Variants in CYFIP2 observed in about 807,000 individuals in gnomAD.
CYFIP2 encodes the protein cytoplasmic FMR1-interacting protein 2.
Under a neutral mutation model 158.7 loss-of-function variants are expected in CYFIP2, and 29 were observed. The observed-to-expected ratio is 0.18, with a 90% confidence interval of 0.14 to 0.25. The LOEUF is 0.25. CYFIP2 is among the 10% of genes least tolerant of loss of function. The pLI, the probability that CYFIP2 is intolerant of heterozygous loss-of-function variation, is 1.00. For synonymous variants in CYFIP2, 585 were observed against 617.6 expected, an observed-to-expected ratio of 0.95 and a Z score of 0.78; for missense variants, 852 against 1,639.5, an observed-to-expected ratio of 0.52 and a Z score of 8.29.
chr5:157,362,325 G>C (rs1763911201), intron 26 of CYFIP2, among the ~76,000 whole-genome samples: 1 of 152,186 alleles, frequency 6.6e-6, no homozygotes, highest in Non-Finnish European at 1.5e-5. Flanking sequence ...ATGCATGCCA[G>C]CACATCTGTT....
chr5:157,337,128 ATGTATTT>A (rs1369927657), intron 21 of CYFIP2, among the ~76,000 whole-genome samples: 1 of 152,160 alleles, frequency 6.6e-6, no homozygotes, highest in Non-Finnish European at 1.5e-5. Flanking sequence ...CACTTACTCC[ATGTATTT>A]TTTATTTATT....
chr5:157,290,515 G>A (rs1447878446), intron 3 of CYFIP2, among the ~76,000 whole-genome samples: 1 of 151,856 alleles, frequency 6.6e-6, no homozygotes, highest in East Asian at 1.9e-4. Context: ...ACCACCACCC[G>A]CCTACCCCCA....
chr5:157,340,525 AAAT>A (rs1402888585), intron 22 of CYFIP2, among the ~76,000 whole-genome samples: 1 of 152,240 alleles, frequency 6.6e-6, no homozygotes, highest in Non-Finnish European at 1.5e-5. Context: ...TGAGGGGAAA[AAAT>A]CCAAAGAAGA....
intron 1 of CYFIP2, among the ~76,000 whole-genome samples, chr5:157,275,250 T>G (rs1580946711): frequency 6.6e-6 from 1 of 152,338 alleles, no homozygotes; most frequent in East Asian, 1.9e-4. Context: ...TAATTCAAGG[T>G]CACAAAGATG....
Position 157,395,541 on chromosome 5 carries a change from G to T in CYFIP2, c.*2541G>T. The T allele has an allele frequency of 9.7e-7, 1 of 1,028,712 alleles. No individual in the cohort carries two copies. Among genetic ancestry groups the T allele is most frequent in the Non-Finnish European group, 1.3e-6 (1 of 751,836 alleles). The allele number at this position is 1,028,712 out of a possible 1,614,324, so 63.7% of individuals were successfully genotyped here. ...TTTGTATTTTGGGGGTACCTGTGTT[G>T]AGTTGATAAACATTTCCATCTTCAT... On this transcript the variant is annotated 3_prime_UTR_variant, in exon 31 of 31. Transcript: ENST00000620254.
At chr5:157,270,996 G>A (rs1409712167) in intron 1 of CYFIP2, among the ~76,000 whole-genome samples, 3 of 152,176 alleles carry the variant, frequency 2.0e-5, no homozygotes, top group Admixed American at 2.0e-4. Context: ...GAAATATAAA[G>A]CAGTTTGTCG....
intron 3 of CYFIP2, among the ~76,000 whole-genome samples, chr5:157,293,458 CTGT>C (rs1291693405): frequency 6.6e-6 from 1 of 152,112 alleles, no homozygotes; most frequent in African/African-American, 2.4e-5. Context: ...GTTTTTCATG[CTGT>C]TGTTGGTTTT....
chr5:157,327,873 A>C, intron 18 of CYFIP2, 100 bp from the exon 19 acceptor site: 1 of 1,137,614 alleles, frequency 8.8e-7, no homozygotes, highest in Non-Finnish European at 1.3e-6. Flanking sequence ...CCCAGAATGC[A>C]CTCTGGGCAA....
Position 157,393,040 on chromosome 5 carries a change from A to G in CYFIP2, c.*40A>G, listed in dbSNP as rs772704783. On this transcript the variant is annotated 3_prime_UTR_variant, in exon 31 of 31. Coordinates refer to ENST00000620254, the MANE Select transcript of CYFIP2 (RefSeq NM_001037333.3). ...AGACCCTTATCTGGAGGAGGAAGAG[A>G]AGCAGGAGAGAGAAAGCCACAGCCA... is the stretch of plus-strand genomic sequence containing the variant. 6.2e-7 allele frequency: 1 copy of G among 1,604,694 alleles called. No individual in the cohort carries two copies. Among genetic ancestry groups the G allele is most frequent in the African/African-American group, 1.3e-5 (1 of 74,730 alleles).
rs761673467 is a variant in CYFIP2, at chr5:157,307,821, G to A, written c.856G>A (p.Ala286Thr). The A allele has an allele frequency of 1.2e-6, 2 of 1,611,206 alleles. No homozygotes were observed. Among genetic ancestry groups the A allele is most frequent in the South Asian group, 1.1e-5 (1 of 90,338 alleles). The change falls in exon 9 of 31, where the codon GCC becomes ACC. Residue 286 changes from alanine (A) to threonine (T), a missense_variant. Physicochemically the swap from Ala to Thr is moderately conservative, Grantham distance 58. Around this residue, in one of 8 missense-constraint regions of CYFIP2, gnomAD observed 133 missense variants for 197.1 expected, o/e 0.67. Transcript: ENST00000620254. ...GNVSNIYKLD[A>T]KKRINLSKID... is the part of the protein sequence containing the mutation. ...TGTCAGTAACATTTACAAACTGGAT[G>A]CCAAGAAGAGAATTAATCTTAGCAA... is the stretch of plus-strand genomic sequence containing the variant.
intron 5 of CYFIP2, among the ~76,000 whole-genome samples, chr5:157,297,802 T>C (rs1189564731): frequency 6.6e-6 from 1 of 151,986 alleles, no homozygotes; most frequent in African/African-American, 2.4e-5. Flanking sequence ...AAAATAAAAT[T>C]TTAAAATCAA....
chr5:157,359,204 A>C, intron 24 of CYFIP2, 56 bp downstream of exon 24: 1 of 1,599,758 alleles, frequency 6.3e-7, no homozygotes, highest in Non-Finnish European at 8.5e-7. Flanking sequence ...TGACATAAAC[A>C]AAGTTTGCTT....
At chr5:157,320,190 T>C (rs775963916) in intron 14 of CYFIP2, among the ~76,000 whole-genome samples, 5 of 152,246 alleles carry the variant, frequency 3.3e-5, no homozygotes, top group Non-Finnish European at 5.9e-5. Flanking sequence ...ATGGGGATTA[T>C]AATGCTACCT....
At chr5:157,279,510 AC>A (rs768016560) in intron 1 of CYFIP2, among the ~76,000 whole-genome samples, 3 of 151,544 alleles carry the variant, frequency 2.0e-5, no homozygotes, top group African/African-American at 7.3e-5. Flanking sequence ...TATGGGACCC[AC>A]CCCCCTCTTG....
chr5:157,323,112 A>G (rs1760738953), intron 15 of CYFIP2: 2 of 1,142,104 alleles, frequency 1.8e-6, no homozygotes, highest in Non-Finnish European at 2.5e-6. Flanking sequence ...TCCAGCCCTA[A>G]GATTCACAGA....
chr5:157,311,076 G>A lies in CYFIP2; in HGVS notation c.993-588G>A, dbSNP rs1358485330. ...GGAAGGAGGAAAGAGGGTGGAAAGAGAAGGAGAGAAGGGGGCGAGAGGTAG... is the reference window on the plus strand; with the variant it reads ...GGAAGGAGGAAAGAGGGTGGAAAGAAAAGGAGAGAAGGGGGCGAGAGGTAG... On this transcript the variant is annotated intron_variant, in intron 10 of 30. Transcript: ENST00000620254. The surrounding 1 kb of genome is among the most constrained non-coding windows in gnomAD (Gnocchi z 4.7). The A allele has an allele frequency of 2.3e-6, 1 of 437,364 alleles. No homozygotes were observed. Among genetic ancestry groups the A allele is most frequent in the South Asian group, 1.6e-5 (1 of 63,452 alleles). 27.1% of individuals were successfully genotyped at this position (437,364 alleles called of 1,614,324 possible). A position where few individuals can be genotyped will look rare whatever the true frequency, so the allele number is the denominator to read the frequency against.
chr5:157,311,208 A>G lies in CYFIP2; in HGVS notation c.993-456A>G, dbSNP rs142602288. ...CAGGGCACTGTTGGAAAAGAGGCAC[A>G]GTCACATTCATATTTCCGCAATCCC... is the stretch of plus-strand genomic sequence containing the variant. On this transcript the variant is annotated intron_variant, in intron 10 of 30. Coordinates refer to ENST00000620254, the MANE Select transcript of CYFIP2 (RefSeq NM_001037333.3). This position sits in a 1 kb window ranked among gnomAD's most constrained non-coding sequence, Gnocchi z 4.7. 24 of 406,746 alleles carry G rather than the reference A, an allele frequency of 5.9e-5. No homozygotes were observed. Among genetic ancestry groups the G allele is most frequent in the African/African-American group, 4.5e-4 (22 of 48,452 alleles). 25.2% of individuals were successfully genotyped at this position (406,746 alleles called of 1,614,324 possible). A position where few individuals can be genotyped will look rare whatever the true frequency, so the allele number is the denominator to read the frequency against.
intron 9 of CYFIP2, 30 bp from the exon 10 acceptor site, chr5:157,309,713 T>C: frequency 1.3e-6 from 2 of 1,571,660 alleles, no homozygotes; most frequent in Non-Finnish European, 1.7e-6. Context: ...CTCCTCAGCA[T>C]CTCACGAGCT....
At chr5:157,343,058 C>A (rs770790138) in intron 23 of CYFIP2, 1 of 1,614,222 alleles carries the variant, frequency 6.2e-7, no homozygotes, top group Non-Finnish European at 8.5e-7. Flanking sequence ...CTCTGGCCAT[C>A]TCACCAACCC....
Sources: gnomAD v4.1 joint callset for allele counts (sites outside exome capture counted in the v4.1 genomes callset) on GRCh38, gnomAD v4.1.1 for gene constraint, gnomAD v4.1.1 regional missense constraint, Gnocchi (gnomAD v3.1) non-coding constraint, MANE v1.5 for transcripts, NCBI Gene and HGNC (gene_info 2026-07-23, HGNC 2026-07-21) for gene names.